MYO3A: variants seen among roughly 807,000 people sequenced by gnomAD.
The protein encoded by MYO3A is myosin IIIA, also known as myosin-IIIa.
In MYO3A, 180 loss-of-function variants were observed where a neutral mutation model predicts 192.7. The ratio of observed to expected loss-of-function variants is 0.93; its 90% CI spans 0.83 to 1.06. MYO3A has a LOEUF of 1.06. Among genes scored for constraint, MYO3A ranks in the 50% least tolerant of loss-of-function variants. The pLI, the probability that MYO3A is intolerant of heterozygous loss-of-function variation, is 0.00. For missense variants in MYO3A, 1,896 were observed against 1,905.0 expected (o/e 1.00, Z 0.09); for synonymous variants, 628 against 645.3 (o/e 0.97, Z 0.41).
intron 6 of MYO3A, among the ~76,000 whole-genome samples, chr10:26,016,090 G>A (rs1007246763): frequency 1.3e-5 from 2 of 152,066 alleles, no homozygotes; most frequent in South Asian, 2.1e-4. Flanking sequence ...AGGAGCAGGA[G>A]TGTGAAAATG....
intron 31 of MYO3A, among the ~76,000 whole-genome samples, chr10:26,179,097 T>C: frequency 8.0e-6 from 1 of 124,296 alleles, no homozygotes; most frequent in Non-Finnish European, 1.7e-5. Context: ...TAATTTTTTT[T>C]TTTTTTTTTT....
At chr10:26,124,022 AAAT>A (rs139893851) in intron 18 of MYO3A, among the ~76,000 whole-genome samples, 12,740 of 151,646 alleles carry the variant, frequency 0.084, 910 homozygotes, top group East Asian at 0.37. Context: ...TATCTCTACC[AAAT>A]AATAATAATA....
At chr10:26,211,223 G>A (rs1844205537) in intron 34 of MYO3A, among the ~76,000 whole-genome samples, 1 of 152,136 alleles carries the variant, frequency 6.6e-6, no homozygotes, top group South Asian at 2.1e-4. Context: ...GCATTTTTAG[G>A]GAATACCCCA....
rs201601497 is a variant in MYO3A at position 26,117,678 on chromosome 10, T to C, written c.1777-2998T>C. Among the ~76,000 whole-genome samples the C allele has an allele frequency of 5.9e-5, 9 of 152,358 alleles. 1 individual carries two copies. The East Asian group carries it at 1.3e-3, about 23-fold the overall frequency. ...CCCTGCAAAGGACATGATCTCATTC[T>C]TTTCTGTGGCTACATAGTATTCCAT... On this transcript the variant is annotated intron_variant, in intron 17 of 34. Transcript: ENST00000642920.
chr10:26,153,304 G>A lies in MYO3A; in HGVS notation c.2636-546G>A, dbSNP rs139190305. On this transcript the variant is annotated intron_variant, in intron 23 of 34. Transcript: ENST00000642920. Reference sequence around the variant, plus strand: ...TTAAGTACTATACCTGGGATTCAAAGCCAAGTCTTTCTGGCTTCTCAGGCC... The same window carrying A: ...TTAAGTACTATACCTGGGATTCAAAACCAAGTCTTTCTGGCTTCTCAGGCC... Among the ~76,000 whole-genome samples the A allele has an allele frequency of 2.1e-3, 326 of 152,300 alleles. 1 individual carries two copies. Among genetic ancestry groups the A allele is most frequent in the Non-Finnish European group, 3.8e-3 (256 of 68,022 alleles).
At chr10:25,956,335 G>GTT (rs542587893) in intron 4 of MYO3A, among the ~76,000 whole-genome samples, 18 of 142,046 alleles carry the variant, frequency 1.3e-4, no homozygotes, top group African/African-American at 3.1e-4. Flanking sequence ...TTCTATTATG[G>GTT]TTTTTTTTTT....
At chr10:26,063,894 G>A (rs73610387) in intron 10 of MYO3A, among the ~76,000 whole-genome samples, 228 of 152,304 alleles carry the variant, frequency 1.5e-3, no homozygotes, top group African/African-American at 5.2e-3. Context: ...GTTATGGAAG[G>A]CCTTGAATGA....
At chr10:25,975,347 G>C (rs1447280515) in intron 4 of MYO3A, among the ~76,000 whole-genome samples, 2 of 152,200 alleles carry the variant, frequency 1.3e-5, no homozygotes, top group African/African-American at 4.8e-5. Context: ...ACAAAAGTGA[G>C]GGGTAGCATT....
chr10:26,018,859 A>G (rs77492546), intron 7 of MYO3A, among the ~76,000 whole-genome samples: 15,912 of 152,222 alleles, frequency 0.1, 1,016 homozygotes, highest in African/African-American at 0.16. Flanking sequence ...TATCCTGAAA[A>G]ATAATTTTCC....
At chr10:26,046,085 C>T (rs916365443) in intron 10 of MYO3A, among the ~76,000 whole-genome samples, 4 of 152,096 alleles carry the variant, frequency 2.6e-5, no homozygotes, top group Non-Finnish European at 5.9e-5. Context: ...TGTAAGCAAG[C>T]GAGGCACTCT....
In MYO3A at chr10:26,173,578, C is replaced by T. The variant is rs142412686; in HGVS notation, c.3399-85C>T. 2.5e-4 allele frequency: 317 copies of T among 1,256,024 alleles called. 2 individuals are homozygous for T. In the East Asian group the frequency reaches 5.9e-3, roughly 23 times the overall value. 77.8% of individuals were successfully genotyped at this position (1,256,024 alleles called of 1,614,324 possible). On this transcript the variant is annotated intron_variant, in intron 29 of 34. Transcript: ENST00000642920. ...TTTGTTCCTTTTGCCTTTCTCCCACCGGTATCTAGCATATAACTATTGCCA... is the reference window on the plus strand; with the variant it reads ...TTTGTTCCTTTTGCCTTTCTCCCACTGGTATCTAGCATATAACTATTGCCA...
In MYO3A at chr10:26,174,053, A is replaced by G; in HGVS notation, c.3789A>G (p.Ile1263Met). 2 of 1,614,022 alleles carry G rather than the reference A, an allele frequency of 1.2e-6. No individual in the cohort carries two copies. The highest frequency in any genetic ancestry group is 2.2e-5 in the East Asian group (1 of 44,892). ...SKAAYLERKA[I>M]SERPSYPVPW... ...CAGCATATCTAGAAAGGAAGGCCAT[A>G]TCAGAAAGGCCAAGCTACCCAGTGC... is the stretch of plus-strand genomic sequence containing the variant. Residue 1263 changes from isoleucine (I) to methionine (M), a missense_variant, in exon 30 of 35, where the codon ATA becomes ATG. Transcript: ENST00000642920.
intron 4 of MYO3A, among the ~76,000 whole-genome samples, chr10:25,978,999 T>C (rs571560119): frequency 4.6e-5 from 7 of 152,328 alleles, no homozygotes; most frequent in African/African-American, 1.7e-4. Flanking sequence ...TTTTTCCACA[T>C]TGTTTGCTTA....
intron 20 of MYO3A, among the ~76,000 whole-genome samples, chr10:26,137,604 C>T (rs1282380157): frequency 2.0e-5 from 3 of 152,172 alleles, no homozygotes; most frequent in Non-Finnish European, 4.4e-5. Context: ...ACCATAAGGT[C>T]TGACTGCCTG....
chr10:25,984,487 A>G (rs1041882806), intron 4 of MYO3A, among the ~76,000 whole-genome samples: 3 of 152,006 alleles, frequency 2.0e-5, no homozygotes, highest in African/African-American at 7.2e-5. Flanking sequence ...ACCAGAAACC[A>G]CCTCCTCCAG....
At chr10:26,008,110 C>T (rs1425252283) in intron 6 of MYO3A, among the ~76,000 whole-genome samples, 2 of 148,362 alleles carry the variant, frequency 1.3e-5, no homozygotes, top group African/African-American at 2.6e-5. Flanking sequence ...TTTGACAAAC[C>T]TGAGAAAAAC....
At chr10:25,964,294 A>T (rs543722263) in intron 4 of MYO3A, among the ~76,000 whole-genome samples, 1 of 152,166 alleles carries the variant, frequency 6.6e-6, no homozygotes, top group East Asian at 1.9e-4. Context: ...GAATGTGAAA[A>T]TTTTACACAC....
intron 10 of MYO3A, among the ~76,000 whole-genome samples, chr10:26,064,067 G>A (rs994790013): frequency 5.3e-5 from 8 of 152,184 alleles, no homozygotes; most frequent in Non-Finnish European, 1.0e-4. Context: ...TCTAATAGGA[G>A]AAGACAGAGG....
chr10:26,207,795 T>C lies in MYO3A; in HGVS notation c.4731-4048T>C, dbSNP rs577778608. Among the ~76,000 whole-genome samples the C allele has an allele frequency of 2.6e-5, 4 of 152,310 alleles. No homozygotes were observed. In the East Asian group the frequency reaches 7.7e-4, roughly 29 times the overall value. On this transcript the variant is annotated intron_variant, in intron 34 of 34. Transcript: ENST00000642920. ...TTCTATACAAATTTTAGGATTTTTT[T>C]CCTATATTTGTGAAGATGTCATTGG... is the stretch of plus-strand genomic sequence containing the variant.
Sources: gnomAD v4.1 joint callset for allele counts (sites outside exome capture counted in the v4.1 genomes callset) on GRCh38, gnomAD v4.1.1 for gene constraint, MANE v1.5 for transcripts, NCBI Gene and HGNC (gene_info 2026-07-23, HGNC 2026-07-21) for gene names.